Variants in NCSTN observed in about 807,000 individuals in gnomAD.
The protein encoded by NCSTN is anterior pharynx-defective 2.
Under a neutral mutation model 87.0 loss-of-function variants are expected in NCSTN, and 22 were observed. The ratio of observed to expected loss-of-function variants is 0.25; its 90% CI spans 0.18 to 0.36. The LOEUF (loss-of-function observed/expected upper bound fraction) is 0.36, where lower values mean the gene tolerates loss of function less well. Ranked by LOEUF, NCSTN falls within the 10% of genes least tolerant of loss-of-function variation. The pLI is 1.00. For synonymous variants in NCSTN, 306 were observed against 327.1 expected, an observed-to-expected ratio of 0.94 and a Z score of 0.69; for missense variants, 693 against 883.3, an observed-to-expected ratio of 0.78 and a Z score of 2.73.
chr1:160,345,760 C>A (rs1327872684), intron 2 of NCSTN, among the ~76,000 whole-genome samples: 6 of 150,264 alleles, frequency 4.0e-5, no homozygotes, highest in African/African-American at 1.5e-4. Context: ...ATGGTGAAAC[C>A]CCCCCATCTC....
chr1:160,354,036 A>G, intron 10 of NCSTN, 82 bp from the exon 11 acceptor site: 3 of 1,422,760 alleles, frequency 2.1e-6, no homozygotes, highest in African/African-American at 2.8e-5. Context: ...AACTTGAAGT[A>G]TAGAGCATTT....
chr1:160,351,058 T>C (rs1648809207), intron 5 of NCSTN, among the ~76,000 whole-genome samples, 164 bp from the exon 6 acceptor site: 2 of 152,192 alleles, frequency 1.3e-5, no homozygotes, highest in African/African-American at 4.8e-5. Context: ...TTTGACCTTA[T>C]AGATCCTATG....
chr1:160,350,007 C>T (rs1648748121), intron 4 of NCSTN, 98 bp from the exon 5 acceptor site: 3 of 1,441,308 alleles, frequency 2.1e-6, no homozygotes, highest in East Asian at 4.5e-5. Flanking sequence ...TCCTTTTGAA[C>T]TCTTAGTCCC....
chr1:160,356,209 T>G, intron 13 of NCSTN, 51 bp from the exon 14 acceptor site: 1 of 1,467,492 alleles, frequency 6.8e-7, no homozygotes, highest in East Asian at 2.3e-5. Context: ...ATTCTTTCCC[T>G]GGGCTCCCTT....
intron 11 of NCSTN, among the ~76,000 whole-genome samples, chr1:160,354,652 C>T (rs1649042086): frequency 6.6e-6 from 1 of 152,182 alleles, no homozygotes; most frequent in African/African-American, 2.4e-5. Flanking sequence ...AGACAGAAAG[C>T]AGTCCTTCTC....
chr1:160,344,350 T>A (rs1648319412), intron 1 of NCSTN: 1 of 925,628 alleles, frequency 1.1e-6, no homozygotes, highest in Non-Finnish European at 1.6e-6. Flanking sequence ...GCCCAGCACC[T>A]GTGTATTAAC....
At chr1:160,357,014 G>T in intron 15 of NCSTN, 27 bp from the exon 16 acceptor site, 1 of 1,583,828 alleles carries the variant, frequency 6.3e-7, no homozygotes, top group East Asian at 2.2e-5. Flanking sequence ...CACCCTAGCC[G>T]TGTGTTGTGG....
intron 2 of NCSTN, among the ~76,000 whole-genome samples, chr1:160,345,767 T>C (rs1386287593): frequency 6.6e-6 from 1 of 150,638 alleles, no homozygotes; most frequent in East Asian, 2.0e-4. Context: ...AACCCCCCCA[T>C]CTCTACTAAA....
chr1:160,354,281 T>C lies in NCSTN; in HGVS notation c.1343T>C (p.Phe448Ser). The C allele has an allele frequency of 6.2e-7, 1 of 1,614,172 alleles. No homozygotes were observed. The highest frequency in any genetic ancestry group is 8.5e-7 in the Non-Finnish European group (1 of 1,180,016). ...GVVLADHSGAFHNKYYQSIYD... is the reference protein window; with the variant it reads ...GVVLADHSGASHNKYYQSIYD... The stretch of plus-strand genomic sequence containing the variant: ...GTTCTGGCTGACCACTCTGGTGCCT[T>C]CCATAACAAGTAAGAATCACTTGGC... Residue 448 changes from phenylalanine to serine, a missense_variant, in exon 11 of 17, where the codon TTC (phenylalanine) becomes TCC (serine). Coordinates refer to ENST00000294785, the MANE Select transcript of NCSTN (RefSeq NM_015331.3).
In NCSTN at chr1:160,358,526, A is replaced by G. The variant is rs1649247654; in HGVS notation, c.*255A>G. 1.9e-6 allele frequency: 1 copy of G among 536,936 alleles called. No homozygotes were observed. The allele number at this position is 536,936 out of a possible 1,614,324, so 33.3% of individuals were successfully genotyped here. A position where few individuals can be genotyped will look rare whatever the true frequency, so the allele number is the denominator to read the frequency against. On this transcript the variant is annotated 3_prime_UTR_variant, in exon 17 of 17. Transcript: ENST00000294785. ...CTCATGCCAGATTTTGGGATTACAA[A>G]TAGAAGCTTCTTGCTCCTGTTTAAC... is the stretch of plus-strand genomic sequence containing the variant.
rs192541339 is a variant in NCSTN at position 160,348,436 on chromosome 1, A to G, written c.191-563A>G. Among the ~76,000 whole-genome samples the G allele has an allele frequency of 6.6e-5, 10 of 152,360 alleles. No homozygotes were observed. The East Asian group carries it at 1.7e-3, about 26-fold the overall frequency. ...GAATGAGGAGAACCAATGAGAGCAC[A>G]TCTCTGATCCATTCGAGGCTTATCA... On this transcript the variant is annotated intron_variant, in intron 2 of 16. Transcript: ENST00000294785.
At chr1:160,355,842 C>T in intron 12 of NCSTN, 21 bp from the exon 13 acceptor site, 1 of 1,610,246 alleles carries the variant, frequency 6.2e-7, no homozygotes, top group Non-Finnish European at 8.5e-7. Flanking sequence ...GGCCATTCAG[C>T]CCCCTCCTCA....
chr1:160,344,313 G>A (rs940106045), intron 1 of NCSTN, among the ~76,000 whole-genome samples: 3 of 151,972 alleles, frequency 2.0e-5, no homozygotes, highest in African/African-American at 7.3e-5. Flanking sequence ...TCACACTCTT[G>A]GAAAAATGCC....
rs757552167 is a variant in NCSTN at position 160,354,227 on chromosome 1, T to A, written c.1289T>A (p.Phe430Tyr). The stretch of plus-strand genomic sequence containing the variant: ...CTCCCACCATCTTCCCTGCAGCGAT[T>A]TCTTCGAGCTCGAAACATCTCTGGC... ...QPLPPSSLQRFLRARNISGVV... is the reference protein window; with the variant it reads ...QPLPPSSLQRYLRARNISGVV... The change falls in exon 11 of 17, where the codon TTT becomes TAT. Residue 430 changes from phenylalanine (F) to tyrosine (Y), a missense_variant. Transcript: ENST00000294785. 18 of 1,614,174 alleles carry A rather than the reference T, an allele frequency of 1.1e-5. No individual in the cohort carries two copies. The highest frequency in any genetic ancestry group is 1.5e-5 in the Non-Finnish European group (18 of 1,180,024).
chr1:160,346,609 CT>C (rs747845309), intron 2 of NCSTN, among the ~76,000 whole-genome samples: 1,852 of 143,404 alleles, frequency 0.013, 14 homozygotes, highest in African/African-American at 0.033. Context: ...TACTTAGTTT[CT>C]TTTTTTTTTT....
In NCSTN at chr1:160,352,621, A is replaced by T. The variant is rs144862218; in HGVS notation, c.997-266A>T. Among the ~76,000 whole-genome samples the T allele has an allele frequency of 2.8e-4, 43 of 152,346 alleles. 1 individual carries two copies. The East Asian group carries it at 8.3e-3, about 29-fold the overall frequency. The stretch of plus-strand genomic sequence containing the variant: ...TGGGGGACCGTTAAGAATCAGACAC[A>T]TAATAGCTGATGTTCATCTTAGACC... On this transcript the variant is annotated intron_variant, in intron 8 of 16. Transcript: ENST00000294785.
chr1:160,352,802 A>T, intron 8 of NCSTN, 85 bp from the exon 9 acceptor site: 1 of 1,037,178 alleles, frequency 9.6e-7, no homozygotes, highest in Non-Finnish European at 1.5e-6. Context: ...CGTCTTACCT[A>T]CAGCTTTGAT....
chr1:160,351,729 T>C lies in NCSTN; in HGVS notation c.767T>C (p.Val256Ala), dbSNP rs1648849696. The change falls in exon 7 of 17, where the codon GTG becomes GCG. Residue 256 changes from valine to alanine, a missense_variant. Val to Ala is a moderately conservative substitution (Grantham distance 64). Transcript: ENST00000294785. ...TGTGACCCCCTGTCTGATTACAATG[T>C]GTGGAGCATGCTAAAGCCTATAAAT... ...IVCDPLSDYN[V>A]WSMLKPINTT... 1.9e-6 allele frequency: 3 copies of C among 1,612,604 alleles called. No individual in the cohort carries two copies. Among genetic ancestry groups the C allele is most frequent in the Non-Finnish European group, 2.5e-6 (3 of 1,178,556 alleles).
intron 2 of NCSTN, among the ~76,000 whole-genome samples, chr1:160,347,600 G>A (rs1648570566): frequency 6.6e-6 from 1 of 151,998 alleles, no homozygotes; most frequent in South Asian, 2.1e-4. Context: ...CCTCGCTGGA[G>A]TTGAAGTTTT....
Sources: allele counts gnomAD v4.1 joint callset (sites outside exome capture counted in the v4.1 genomes callset), GRCh38; gene constraint gnomAD v4.1.1; transcripts MANE v1.5; gene names NCBI Gene and HGNC (gene_info 2026-07-23, HGNC 2026-07-21).